The following SMC3 variants were observed in gnomAD, a reference collection of about 807,000 sequenced individuals.
SMC3 encodes structural maintenance of chromosomes protein 3.
Under a neutral mutation model 171.8 loss-of-function variants are expected in SMC3, and 20 were observed. That is an observed-to-expected ratio of 0.12 (90% confidence interval 0.08 to 0.17). The LOEUF (loss-of-function observed/expected upper bound fraction) is 0.17, where lower values mean the gene tolerates loss of function less well. SMC3 is among the 10% of genes least tolerant of loss of function. The probability of loss-of-function intolerance (pLI) is 1.00; values close to 1 mark genes in which losing one functional copy is unlikely to be tolerated. For missense variants in SMC3, 543 were observed against 1,420.4 expected (o/e 0.38, Z 9.93); for synonymous variants, 464 against 451.1 (o/e 1.03, Z -0.36).
chr10:110,597,313 T>C (rs1861316354), intron 19 of SMC3, among the ~76,000 whole-genome samples: 1 of 152,050 alleles, frequency 6.6e-6, no homozygotes, highest in South Asian at 2.1e-4. Context: ...GAGGAGTGGT[T>C]AGTTCAGTTC....
chr10:110,596,651 T>A (rs1861305371), intron 19 of SMC3, 101 bp downstream of exon 19: 2 of 1,165,338 alleles, frequency 1.7e-6, no homozygotes, highest in South Asian at 1.5e-5. Flanking sequence ...TAAAAATTTC[T>A]TGTGTTTTAA....
chr10:110,583,741 G>T, intron 11 of SMC3, 100 bp from the exon 12 acceptor site: 1 of 1,342,144 alleles, frequency 7.5e-7, no homozygotes, highest in Non-Finnish European at 1.1e-6. Flanking sequence ...CATGTTACAG[G>T]TGGGTTTTCT....
rs1860976420 is a variant in SMC3, at chr10:110,577,914, C to T, written c.350C>T (p.Thr117Met). The T allele has an allele frequency of 6.2e-7, 1 of 1,603,370 alleles. No individual in the cohort carries two copies. Among genetic ancestry groups the T allele is most frequent in the Non-Finnish European group, 8.5e-7 (1 of 1,170,524 alleles). Residue 117 changes from threonine (T) to methionine (M), a missense_variant and splice_region_variant, in exon 6 of 29, where the codon ACG becomes ATG. Coordinates refer to ENST00000361804, the MANE Select transcript of SMC3 (RefSeq NM_005445.4). Reference sequence around the variant, plus strand: ...TATTTCTTAGACAAGAAGATGGTCACGTAAGCATTTTTCTTTTTTTTAAAA... The same window carrying T: ...TATTTCTTAGACAAGAAGATGGTCATGTAAGCATTTTTCTTTTTTTTAAAA... The part of the protein sequence containing the change: ...DQYFLDKKMV[T>M]KNDVMNLLES...
rs770271444 is a variant in SMC3, at chr10:110,584,166, G to A, written c.1092-17G>A. 6 of 1,610,112 alleles carry A rather than the reference G, an allele frequency of 3.7e-6. No individual in the cohort carries two copies. In the East Asian group the frequency reaches 1.3e-4, roughly 36 times the overall value. On this transcript the variant is annotated splice_polypyrimidine_tract_variant and intron_variant, in intron 12 of 28. Transcript: ENST00000361804. ...TATTATTCTCCTTTTCATCCCATTT[G>A]CTTCTATTTTGTGTAGATTGGCTCA...
chr10:110,587,259 A>G (rs988690030), intron 13 of SMC3, among the ~76,000 whole-genome samples: 1 of 152,216 alleles, frequency 6.6e-6, no homozygotes, highest in African/African-American at 2.4e-5. Flanking sequence ...AGTCTACAAA[A>G]CATTATATTT....
chr10:110,574,992 A>T (rs74767350), intron 3 of SMC3, among the ~76,000 whole-genome samples: 17,056 of 152,216 alleles, frequency 0.11, 1,149 homozygotes, highest in East Asian at 0.26. Context: ...CTAGTGGGGA[A>T]AAAAGCAAAT....
At chr10:110,593,348 G>A in intron 18 of SMC3, 125 bp downstream of exon 18, 2 of 939,164 alleles carry the variant, frequency 2.1e-6, no homozygotes, top group Non-Finnish European at 3.3e-6. Context: ...GAGGCGGGTG[G>A]ATCACCTGAA....
At position 110,602,893 on chromosome 10, in the gene SMC3, G is replaced by A. The variant is rs1590571818; in HGVS notation, c.3366G>A (p.Leu1122=). The change falls in exon 27 of 29, where the codon TTG becomes TTA. Residue 1122 remains leucine (L), a synonymous_variant. Coordinates refer to ENST00000361804, the MANE Select transcript of SMC3 (RefSeq NM_005445.4). ...AGCTTTCAGGTGGACAGAAATCCTT[G>A]GTAGCCCTTGCTCTGATTTTTGCCA... is the stretch of plus-strand genomic sequence containing the variant. ...MQQLSGGQKS[L]VALALIFAIQ... The A allele has an allele frequency of 6.2e-7, 1 of 1,613,848 alleles. No homozygotes were observed. Among genetic ancestry groups the A allele is most frequent in the Admixed American group, 1.7e-5 (1 of 60,008 alleles).
At chr10:110,579,650 G>T (rs900957553) in intron 7 of SMC3, among the ~76,000 whole-genome samples, 40 of 152,138 alleles carry the variant, frequency 2.6e-4, no homozygotes, top group African/African-American at 9.7e-4. Context: ...AGCTCCATGA[G>T]GGTGGGACCT....
At chr10:110,578,760 G>C (rs1860992000) in intron 7 of SMC3, 54 bp downstream of exon 7, 1 of 1,360,496 alleles carries the variant, frequency 7.4e-7, no homozygotes, top group Non-Finnish European at 1.0e-6. Context: ...AGTAATTCTT[G>C]AGTGATGAAT....
rs1322498679 is a variant in SMC3, at chr10:110,583,452, T to C, written c.873T>C (p.Leu291=). The part of the protein sequence containing the change: ...ISAMKEEKEQ[L]SAERQEQIKQ... ...CTATGAAAGAAGAAAAAGAACAGCT[T>C]AGTGCTGAAAGACAAGAGCAGATTA... The change falls in exon 11 of 29, where the codon CTT becomes CTC. Residue 291 remains leucine, a synonymous_variant. Coordinates refer to ENST00000361804, the MANE Select transcript of SMC3 (RefSeq NM_005445.4). 1 of 1,614,040 alleles carries C rather than the reference T, an allele frequency of 6.2e-7. No individual in the cohort carries two copies. Among genetic ancestry groups the C allele is most frequent in the Non-Finnish European group, 8.5e-7 (1 of 1,179,910 alleles).
chr10:110,590,301 T>C, intron 15 of SMC3, 111 bp from the exon 16 acceptor site: 4 of 904,882 alleles, frequency 4.4e-6, no homozygotes, highest in South Asian at 4.3e-5. Flanking sequence ...AGAGGATGTT[T>C]AGTTTAATCA....
chr10:110,578,448 T>G (rs1448116868), intron 6 of SMC3, among the ~76,000 whole-genome samples, 180 bp from the exon 7 acceptor site: 1 of 152,194 alleles, frequency 6.6e-6, no homozygotes, highest in Non-Finnish European at 1.5e-5. Context: ...ATTTGCTTCA[T>G]CTTCAACAAG....
intron 2 of SMC3, among the ~76,000 whole-genome samples, chr10:110,571,983 T>C (rs1036810851): frequency 2.0e-5 from 3 of 152,202 alleles, no homozygotes; most frequent in Admixed American, 6.5e-5. Context: ...TTCAGTTATT[T>C]ATAGATGGAT....
chr10:110,594,353 A>G (rs533789435), intron 18 of SMC3, among the ~76,000 whole-genome samples: 41 of 151,968 alleles, frequency 2.7e-4, no homozygotes, highest in Non-Finnish European at 4.4e-4. Context: ...AATGTATTCA[A>G]AAAACAAGAT....
At chr10:110,586,355 TTG>T (rs1200836602) in intron 13 of SMC3, among the ~76,000 whole-genome samples, 3 of 152,210 alleles carry the variant, frequency 2.0e-5, no homozygotes, top group African/African-American at 7.2e-5. Context: ...TTGTGATACT[TTG>T]TGGAAGGAGT....
At chr10:110,583,240 A>G in intron 10 of SMC3, 144 bp from the exon 11 acceptor site, 1 of 695,326 alleles carries the variant, frequency 1.4e-6, no homozygotes. Context: ...GAATTATGGA[A>G]TGATTACACA....
chr10:110,594,774 A>G (rs999211629), intron 18 of SMC3, among the ~76,000 whole-genome samples: 7 of 150,716 alleles, frequency 4.6e-5, no homozygotes, highest in Non-Finnish European at 7.4e-5. Context: ...CCATCCAAGA[A>G]TAAGTAAAAC....
At chr10:110,598,510 G>A (rs908379415) in intron 20 of SMC3, among the ~76,000 whole-genome samples, 10 of 151,936 alleles carry the variant, frequency 6.6e-5, no homozygotes, top group Admixed American at 2.0e-4. Context: ...GGGTTCAAGC[G>A]ATTTTCCTGT....
Sources: allele counts gnomAD v4.1 joint callset (sites outside exome capture counted in the v4.1 genomes callset), GRCh38; gene constraint gnomAD v4.1.1; transcripts MANE v1.5; gene names NCBI Gene and HGNC (gene_info 2026-07-23, HGNC 2026-07-21).